Variants in TBL1X observed in about 807,000 individuals in gnomAD.
TBL1X encodes transducin beta like 1 X-linked.
Under a neutral mutation model 50.7 loss-of-function variants are expected in TBL1X, and 10 were observed. That is an observed-to-expected ratio of 0.20 (90% CI 0.12 to 0.33). TBL1X has a LOEUF of 0.33. Ranked by LOEUF, TBL1X falls within the 10% of genes least tolerant of loss-of-function variation. The pLI, the probability that TBL1X is intolerant of heterozygous loss-of-function variation, is 1.00. For synonymous variants in TBL1X, 190 were observed against 214.7 expected (o/e 0.88, Z 1.01); for missense variants, 340 against 504.4 (o/e 0.67, Z 3.12).
intron 2 of TBL1X, among the ~76,000 whole-genome samples, chrX:9,609,878 G>A (rs6640460): frequency 1.8e-5 from 2 of 112,531 alleles, no homozygotes; most frequent in East Asian, 5.6e-4. Flanking sequence ...CTTTTTCCAT[G>A]TATTAGACCT....
At chrX:9,520,506 GA>G (rs958580623) in intron 2 of TBL1X, among the ~76,000 whole-genome samples, 2 of 111,501 alleles carry the variant, frequency 1.8e-5, no homozygotes, top group Non-Finnish European at 3.8e-5. Flanking sequence ...AGAGTGAGCA[GA>G]GATTGATGAG....
chrX:9,520,720 C>T (rs1000324994), intron 2 of TBL1X, among the ~76,000 whole-genome samples: 1 of 110,335 alleles, frequency 9.1e-6, no homozygotes, highest in Non-Finnish European at 1.9e-5. Flanking sequence ...TAAGGGGAGA[C>T]GTAGAACAGC....
intron 2 of TBL1X, among the ~76,000 whole-genome samples, chrX:9,559,888 A>G (rs1390475429): frequency 8.9e-6 from 1 of 112,367 alleles, no homozygotes; most frequent in African/African-American, 3.2e-5. Context: ...GAATTATAAG[A>G]AGGAAATATC....
At position 9,677,999 on chromosome X, in the gene TBL1X, T is replaced by A. The variant is rs1304505426; in HGVS notation, c.212-6044T>A. ...CCTAAGAAATGGTACCAAATTCTTA[T>A]GTCATTGCATCCAATATGGTCCTTC... is the stretch of plus-strand genomic sequence containing the variant. On this transcript the variant is annotated intron_variant, in intron 5 of 17. Coordinates refer to ENST00000645353, the MANE Select transcript of TBL1X (RefSeq NM_005647.4). Among the ~76,000 whole-genome samples the A allele has an allele frequency of 3.6e-5, 4 of 111,665 alleles. No homozygotes were observed. The Admixed American group carries it at 3.8e-4, about 11-fold the overall frequency.
chrX:9,473,848 A>C (rs944763339), intron 1 of TBL1X, among the ~76,000 whole-genome samples: 2 of 112,627 alleles, frequency 1.8e-5, no homozygotes, highest in Admixed American at 9.4e-5. Context: ...AGTTCGTGAA[A>C]ATAAGAATGA....
At chrX:9,581,407 A>G (rs921785746) in intron 2 of TBL1X, among the ~76,000 whole-genome samples, 1 of 111,820 alleles carries the variant, frequency 8.9e-6, no homozygotes, top group South Asian at 3.7e-4. Flanking sequence ...AGAATAGCCC[A>G]CAGTTCAGGC....
rs778770075 is a variant in TBL1X at position 9,692,195 on chromosome X, A to G, written c.832A>G (p.Ile278Val). ...CACCCAGCTCGTGTTGAGGCACTGTATACGAGAGGGGGGCCATGACGTCCC... is the reference window on the plus strand; with the variant it reads ...CACCCAGCTCGTGTTGAGGCACTGTGTACGAGAGGGGGGCCATGACGTCCC... ...GSTQLVLRHC[I>V]REGGHDVPSN... Residue 278 changes from isoleucine to valine, a missense_variant, in exon 9 of 18, where the codon ATA becomes GTA. Ile to Val is a conservative substitution (Grantham distance 29). Transcript: ENST00000645353. The G allele has an allele frequency of 3.3e-6, 4 of 1,203,787 alleles. No homozygotes were observed. The highest frequency in any genetic ancestry group is 2.3e-5 in the Admixed American group (1 of 44,358).
chrX:9,568,736 CTG>C (rs1248624393), intron 2 of TBL1X, among the ~76,000 whole-genome samples: 2 of 94,024 alleles, frequency 2.1e-5, no homozygotes, highest in African/African-American at 4.0e-5. Context: ...GTGTGTGTGT[CTG>C]TGTTGTGTGC....
intron 1 of TBL1X, among the ~76,000 whole-genome samples, chrX:9,489,551 C>G (rs2081930508): frequency 9.0e-6 from 1 of 111,517 alleles, no homozygotes; most frequent in African/African-American, 3.3e-5. Context: ...AGGTTCTGGG[C>G]TAGGCTTAGG....
chrX:9,614,579 A>G (rs573689277), intron 2 of TBL1X, among the ~76,000 whole-genome samples: 1 of 111,717 alleles, frequency 9.0e-6, no homozygotes, highest in East Asian at 2.8e-4. Flanking sequence ...AAAACAAAAA[A>G]TGAATTGGCC....
chrX:9,508,212 T>C (rs1407291068), intron 2 of TBL1X, among the ~76,000 whole-genome samples: 4 of 111,644 alleles, frequency 3.6e-5, no homozygotes, highest in African/African-American at 6.5e-5. Context: ...AGGTCTAATA[T>C]CCAGAATTTG....
chrX:9,593,069 G>A (rs753459583), intron 2 of TBL1X, among the ~76,000 whole-genome samples: 21 of 111,716 alleles, frequency 1.9e-4, no homozygotes, highest in Non-Finnish European at 9.4e-5. Context: ...ATGAAATAGC[G>A]GGTGTGATGG....
chrX:9,634,644 G>A (rs987108126), intron 2 of TBL1X, among the ~76,000 whole-genome samples: 4 of 110,664 alleles, frequency 3.6e-5, no homozygotes, highest in Admixed American at 9.6e-5. Flanking sequence ...GAGCCACTGC[G>A]CCCAGCCTAT....
In TBL1X at chrX:9,626,189, C is replaced by G. The variant is rs944844941; in HGVS notation, c.-130-14084C>G. ...TTGTACCACAATATCCTTGGACATA[C>G]ATATTCCTGACCTGGTAAGATGAGA... On this transcript the variant is annotated intron_variant, in intron 2 of 17. Coordinates refer to ENST00000645353, the MANE Select transcript of TBL1X (RefSeq NM_005647.4). Among the ~76,000 whole-genome samples the G allele has an allele frequency of 3.6e-5, 4 of 111,625 alleles. No individual in the cohort carries two copies. In the Admixed American group the frequency reaches 3.8e-4, roughly 11 times the overall value.
At chrX:9,709,129 C>A in intron 13 of TBL1X, 119 bp from the exon 14 acceptor site, 2 of 655,375 alleles carry the variant, frequency 3.1e-6, no homozygotes, top group Non-Finnish European at 2.3e-6. Context: ...CCTTTGATGT[C>A]AGGCTGAAGC....
At chrX:9,511,518 TATTCTGTG>T (rs1200668607) in intron 2 of TBL1X, among the ~76,000 whole-genome samples, 1 of 112,407 alleles carries the variant, frequency 8.9e-6, no homozygotes, top group Non-Finnish European at 1.9e-5. Flanking sequence ...AAGATACCAG[TATTCTGTG>T]ATTCCAAATA....
chrX:9,485,511 ACCATGACACT>A lies in TBL1X; in HGVS notation c.-200-16266_-200-16257del, dbSNP rs758644895. Among the ~76,000 whole-genome samples, 7 of 111,659 alleles carry A rather than the reference ACCATGACACT, an allele frequency of 6.3e-5. No homozygotes were observed. The South Asian group carries it at 2.3e-3, about 36-fold the overall frequency. On this transcript the variant is annotated intron_variant, in intron 1 of 17. Transcript: ENST00000645353. Reference sequence around the variant, plus strand: ...AGGTTTTGATGTTAGCAAAACTCAAACCATGACACTCCCCCAAATGGGAGTCTGCCCTCAT... The same window carrying A: ...AGGTTTTGATGTTAGCAAAACTCAAACCCCCAAATGGGAGTCTGCCCTCAT...
intron 2 of TBL1X, among the ~76,000 whole-genome samples, chrX:9,613,422 C>T (rs1468550623): frequency 9.0e-6 from 1 of 111,485 alleles, no homozygotes; most frequent in Non-Finnish European, 1.9e-5. Flanking sequence ...TCAACACTTC[C>T]TTGGTTACTG....
At chrX:9,683,983 C>T in intron 5 of TBL1X, 60 bp from the exon 6 acceptor site, 1 of 1,206,617 alleles carries the variant, frequency 8.3e-7, no homozygotes, top group Non-Finnish European at 1.1e-6. Context: ...ATCTCAATGG[C>T]TGCACCTCCC....
Sources: gnomAD v4.1 joint callset for allele counts (sites outside exome capture counted in the v4.1 genomes callset) on GRCh38, gnomAD v4.1.1 for gene constraint, MANE v1.5 for transcripts, NCBI Gene and HGNC (gene_info 2026-07-23, HGNC 2026-07-21) for gene names.